The following BNIP5 variants were observed in gnomAD, a reference collection of about 807,000 sequenced individuals.
The protein encoded by BNIP5 is protein BNIP5.
A neutral mutation model predicts 67.3 loss-of-function variants in BNIP5; 61 were observed. The ratio of observed to expected loss-of-function variants is 0.91; its 90% CI spans 0.74 to 1.12. The LOEUF (loss-of-function observed/expected upper bound fraction) is 1.12. Ranked by LOEUF, BNIP5 falls within the 50% of genes most tolerant of loss-of-function variation. BNIP5 has a pLI of 0.00. For missense variants in BNIP5, 826 were observed against 816.3 expected (o/e 1.01, Z -0.14); for synonymous variants, 317 against 319.0 (o/e 0.99, Z 0.07).
chr6:36,326,410 G>T, intron 5 of BNIP5, 100 bp downstream of exon 5: 1 of 1,455,018 alleles, frequency 6.9e-7, no homozygotes, highest in Non-Finnish European at 9.3e-7. Context: ...GTCAGACCAG[G>T]CACAACGCAA....
In BNIP5 at chr6:36,323,458, T is replaced by G; in HGVS notation, c.1306A>C (p.Arg436=). The change falls in exon 8 of 12, where the codon AGG becomes CGG. Residue 436 remains arginine, a synonymous_variant. Coordinates refer to ENST00000437635, the MANE Select transcript of BNIP5 (RefSeq NM_001010903.5). ...PHCRRKSQEK[R]SSFRRAFYHK... is the part of the protein sequence containing the mutation. The stretch of plus-strand genomic sequence containing the variant: ...TAAAACGCTCTCCTGAAGCTCGACC[T>G]TTTTTCTTGAGATTTCCTTCTGCAG... 6.2e-7 allele frequency: 1 copy of G among 1,614,222 alleles called. No homozygotes were observed. The highest frequency in any genetic ancestry group is 8.5e-7 in the Non-Finnish European group (1 of 1,180,008).
chr6:36,323,190 T>C, intron 8 of BNIP5, 103 bp downstream of exon 8: 2 of 1,491,864 alleles, frequency 1.3e-6, no homozygotes, highest in Non-Finnish European at 1.8e-6. Context: ...TCAGCAACAG[T>C]GGACATCCTC....
At chr6:36,318,398 A>G (rs2127361560) in intron 11 of BNIP5, among the ~76,000 whole-genome samples, 1 of 152,240 alleles carries the variant, frequency 6.6e-6, no homozygotes, top group South Asian at 2.1e-4. Flanking sequence ...ACCAGAAAAT[A>G]TGAGAGCTCA....
At position 36,316,086 on chromosome 6, in the gene BNIP5, C is replaced by T. The variant is rs1771508463; in HGVS notation, c.*1270G>A. On this transcript the variant is annotated 3_prime_UTR_variant, in exon 12 of 12. Transcript: ENST00000437635. ...CCAGTGCCTCAGGTTGGAGGCCAGT[C>T]CCATATAAGCACCCAGGGCCTCTCC... The T allele has an allele frequency of 1.3e-5, 2 of 159,082 alleles. No homozygotes were observed. Among genetic ancestry groups the T allele is most frequent in the East Asian group, 1.8e-4 (1 of 5,512 alleles). The allele number at this position is 159,082 out of a possible 1,614,324, so 9.9% of individuals were successfully genotyped here. A position where few individuals can be genotyped will look rare whatever the true frequency, so the allele number is the denominator to read the frequency against.
At chr6:36,319,676 C>G in intron 10 of BNIP5, 66 bp from the exon 11 acceptor site, 2 of 1,552,100 alleles carry the variant, frequency 1.3e-6, no homozygotes, top group Non-Finnish European at 1.7e-6. Context: ...AACTGCCCCT[C>G]CCACAACTCC....
chr6:36,330,047 G>A (rs1341722081), intron 2 of BNIP5, 34 bp downstream of exon 2: 1 of 1,555,804 alleles, frequency 6.4e-7, no homozygotes, highest in East Asian at 2.2e-5. Context: ...GAGCACCCTA[G>A]GGGTTGCCAT....
At position 36,317,330 on chromosome 6, in the gene BNIP5, G is replaced by A. The variant is rs1365846943; in HGVS notation, c.*26C>T. 1 of 1,602,746 alleles carries A rather than the reference G, an allele frequency of 6.2e-7. No individual in the cohort carries two copies. Among genetic ancestry groups the A allele is most frequent in the African/African-American group, 1.3e-5 (1 of 74,688 alleles). On this transcript the variant is annotated 3_prime_UTR_variant, in exon 12 of 12. Transcript: ENST00000437635. ...GCTGCGAACCATTTGGCTAGTTCAA[G>A]GGAATTTGAGTGCAAGACACAGCTT...
chr6:36,320,647 G>A (rs1300311493), intron 10 of BNIP5, among the ~76,000 whole-genome samples: 1 of 152,258 alleles, frequency 6.6e-6, no homozygotes, highest in Non-Finnish European at 1.5e-5. Flanking sequence ...AAAGTAGGCT[G>A]TGTTTTCCAA....
At chr6:36,330,726 T>TTTTG (rs780869859) in intron 1 of BNIP5, 32 bp from the exon 2 acceptor site, 10 of 1,517,348 alleles carry the variant, frequency 6.6e-6, no homozygotes, top group South Asian at 1.3e-5. Context: ...CCCTTAGTTT[T>TTTTG]TTTGTTTGTT....
rs969274006 is a variant in BNIP5, at chr6:36,316,345, T to C, written c.*1011A>G. ...GGCAAATTTCACACCTGAGTCAAGC[T>C]ATTGAAACTGTTGAGCTATACAGAA... On this transcript the variant is annotated 3_prime_UTR_variant, in exon 12 of 12. Transcript: ENST00000437635. 4 of 397,012 alleles carry C rather than the reference T, an allele frequency of 1.0e-5. No individual in the cohort carries two copies. Among genetic ancestry groups the C allele is most frequent in the Non-Finnish European group, 1.8e-5 (4 of 225,650 alleles). 24.6% of individuals were successfully genotyped at this position (397,012 alleles called of 1,614,324 possible). A position where few individuals can be genotyped will look rare whatever the true frequency, so the allele number is the denominator to read the frequency against.
chr6:36,317,037 C>A lies in BNIP5; in HGVS notation c.*319G>T. On this transcript the variant is annotated 3_prime_UTR_variant, in exon 12 of 12. Coordinates refer to ENST00000437635, the MANE Select transcript of BNIP5 (RefSeq NM_001010903.5). The stretch of plus-strand genomic sequence containing the variant: ...GGCCTTCTGGGTGGGATCCTAGACT[C>A]CAAAGTCTGGAGAGGAGGGGGAATG... 2.2e-6 allele frequency: 1 copy of A among 454,488 alleles called. No individual in the cohort carries two copies. The highest frequency in any genetic ancestry group is 3.9e-6 in the Non-Finnish European group (1 of 259,062). The allele number at this position is 454,488 out of a possible 1,614,324, so 28.2% of individuals were successfully genotyped here.
chr6:36,321,100 C>T, intron 10 of BNIP5, 55 bp downstream of exon 10: 1 of 593,276 alleles, frequency 1.7e-6, no homozygotes, highest in Non-Finnish European at 2.6e-6. Flanking sequence ...GGATGGAACC[C>T]AGGTGGGTAG....
At chr6:36,328,759 C>A in intron 2 of BNIP5, 45 bp from the exon 3 acceptor site, 2 of 1,138,368 alleles carry the variant, frequency 1.8e-6, no homozygotes, top group Non-Finnish European at 2.7e-6. Flanking sequence ...TGTGTATGTG[C>A]GTGTGTCAGT....
intron 1 of BNIP5, among the ~76,000 whole-genome samples, chr6:36,334,617 A>C (rs1213152541): frequency 6.6e-6 from 1 of 152,084 alleles, no homozygotes; most frequent in Non-Finnish European, 1.5e-5. Flanking sequence ...AGACACACCC[A>C]CACGCCCCCA....
chr6:36,316,377 G>A lies in BNIP5; in HGVS notation c.*979C>T, dbSNP rs1270002201. The A allele has an allele frequency of 3.3e-5, 13 of 397,478 alleles. No individual in the cohort carries two copies. The highest frequency in any genetic ancestry group is 1.3e-4 in the Admixed American group (3 of 22,710). 24.6% of individuals were successfully genotyped at this position (397,478 alleles called of 1,614,324 possible). ...ACTGTTGAGCTATACAGAAGGCAGA[G>A]CCTCTGGCACCCCCACACTTCACCT... On this transcript the variant is annotated 3_prime_UTR_variant, in exon 12 of 12. Coordinates refer to ENST00000437635, the MANE Select transcript of BNIP5 (RefSeq NM_001010903.5).
intron 1 of BNIP5, among the ~76,000 whole-genome samples, chr6:36,336,494 G>A (rs1201785239): frequency 6.6e-6 from 1 of 152,086 alleles, no homozygotes; most frequent in Non-Finnish European, 1.5e-5. Flanking sequence ...GAAACACCCC[G>A]TTGAGATAAT....
chr6:36,317,120 C>T lies in BNIP5; in HGVS notation c.*236G>A. 1 of 587,976 alleles carries T rather than the reference C, an allele frequency of 1.7e-6. No individual in the cohort carries two copies. The highest frequency in any genetic ancestry group is 2.1e-5 in the South Asian group (1 of 47,232). The allele number at this position is 587,976 out of a possible 1,614,324, so 36.4% of individuals were successfully genotyped here. ...TTCAGCAGGTAGAGCCCCAGTCTTC[C>T]TCATTCCCAGTCCAGTGCTGATTTC... On this transcript the variant is annotated 3_prime_UTR_variant, in exon 12 of 12. Transcript: ENST00000437635.
At chr6:36,328,516 G>A in intron 3 of BNIP5, 82 bp downstream of exon 3, 1 of 856,978 alleles carries the variant, frequency 1.2e-6, no homozygotes, top group South Asian at 1.4e-5. Flanking sequence ...CAAGGTCTCA[G>A]TAATCATTCA....
rs1213147215 is a variant in BNIP5, at chr6:36,332,310, TAA to T, written c.-4-1618_-4-1617del. ...CCCTCACTTCCTTTGAGGCTGTACTTAACTGTCACCTTCCCATCGAGGCCCTC... is the reference window on the plus strand; with the variant it reads ...CCCTCACTTCCTTTGAGGCTGTACTTCTGTCACCTTCCCATCGAGGCCCTC... On this transcript the variant is annotated intron_variant, in intron 1 of 11. Coordinates refer to ENST00000437635, the MANE Select transcript of BNIP5 (RefSeq NM_001010903.5). 7.2e-5 allele frequency among the ~76,000 whole-genome samples: 11 copies of T among 151,970 alleles called. No individual in the cohort carries two copies. In the East Asian group the frequency reaches 1.2e-3, roughly 16 times the overall value.
Sources: gnomAD v4.1 joint callset for allele counts (sites outside exome capture counted in the v4.1 genomes callset) on GRCh38, gnomAD v4.1.1 for gene constraint, MANE v1.5 for transcripts, NCBI Gene and HGNC (gene_info 2026-07-23, HGNC 2026-07-21) for gene names.